ZFYVE9: variants seen among roughly 807,000 people sequenced by gnomAD.
The protein encoded by ZFYVE9 is zinc finger FYVE domain-containing protein 9.
Under a neutral mutation model 126.7 loss-of-function variants are expected in ZFYVE9, and 43 were observed. The observed-to-expected ratio is 0.34, with a 90% CI of 0.27 to 0.44. The LOEUF is 0.44. Among genes scored for constraint, ZFYVE9 ranks in the 20% least tolerant of loss-of-function variants. The pLI is 1.00. For synonymous variants in ZFYVE9, 521 were observed against 597.4 expected, an observed-to-expected ratio of 0.87 and a Z score of 1.87; for missense variants, 1,476 against 1,697.0, an observed-to-expected ratio of 0.87 and a Z score of 2.29.
At chr1:52,340,261 C>G in intron 17 of ZFYVE9, 30 bp downstream of exon 17, 3 of 1,563,056 alleles carry the variant, frequency 1.9e-6, no homozygotes, top group South Asian at 1.1e-5. Context: ...CATACTTGAC[C>G]CACTTTGAGC....
intron 16 of ZFYVE9, among the ~76,000 whole-genome samples, chr1:52,338,977 T>C (rs1460535118): frequency 6.6e-6 from 1 of 152,138 alleles, no homozygotes; most frequent in Non-Finnish European, 1.5e-5. Flanking sequence ...GCCACTGCAT[T>C]CCGGCCTGGA....
chr1:52,260,298 AT>A (rs932782250), intron 4 of ZFYVE9, among the ~76,000 whole-genome samples: 1 of 151,892 alleles, frequency 6.6e-6, no homozygotes, highest in African/African-American at 2.4e-5. Context: ...TCTGTTGGCC[AT>A]TTTATTTATT....
rs554515094 is a variant in ZFYVE9, at chr1:52,327,075, C to T, written c.3439-5693C>T. Among the ~76,000 whole-genome samples, 146 of 151,384 alleles carry T rather than the reference C, an allele frequency of 9.6e-4. 3 individuals carry two copies. The South Asian group carries it at 0.026, about 27-fold the overall frequency. Reference sequence around the variant, plus strand: ...ACTCGGGAGGCTGAGGTAGGAGAATCGCTTGAACCCAGGAGGCGAAGTTTG... The same window carrying T: ...ACTCGGGAGGCTGAGGTAGGAGAATTGCTTGAACCCAGGAGGCGAAGTTTG... On this transcript the variant is annotated intron_variant, in intron 13 of 18. Transcript: ENST00000287727.
chr1:52,346,587 C>A lies in ZFYVE9; in HGVS notation c.*366C>A. On this transcript the variant is annotated 3_prime_UTR_variant, in exon 19 of 19. Coordinates refer to ENST00000287727, the MANE Select transcript of ZFYVE9 (RefSeq NM_004799.4). ...AATGCTCAAATGGGTACAACCATCACCAAGGGTGGGATGGGAGGGCAGAGG... is the reference window on the plus strand; with the variant it reads ...AATGCTCAAATGGGTACAACCATCAACAAGGGTGGGATGGGAGGGCAGAGG... 2.5e-6 allele frequency: 1 copy of A among 401,280 alleles called. No individual in the cohort carries two copies. Among genetic ancestry groups the A allele is most frequent in the Non-Finnish European group, 4.4e-6 (1 of 227,436 alleles). 24.9% of individuals were successfully genotyped at this position (401,280 alleles called of 1,614,324 possible).
At chr1:52,217,970 T>C (rs1190600744) in intron 2 of ZFYVE9, among the ~76,000 whole-genome samples, 3 of 152,220 alleles carry the variant, frequency 2.0e-5, no homozygotes, top group African/African-American at 7.2e-5. Context: ...TGCTGCTGAT[T>C]GTAGTATATG....
At chr1:52,322,089 C>G (rs1190415658) in intron 13 of ZFYVE9, among the ~76,000 whole-genome samples, 3 of 152,198 alleles carry the variant, frequency 2.0e-5, no homozygotes, top group Non-Finnish European at 4.4e-5. Flanking sequence ...ACATGGTCAT[C>G]TTACAGGCTT....
intron 7 of ZFYVE9, 34 bp downstream of exon 7, chr1:52,268,666 G>A (rs1645657766): frequency 5.0e-6 from 8 of 1,604,852 alleles, no homozygotes; most frequent in Non-Finnish European, 6.8e-6. Context: ...AAATTGCATA[G>A]CTACTTTACT....
At chr1:52,246,806 C>G (rs1645390179) in intron 4 of ZFYVE9, among the ~76,000 whole-genome samples, 1 of 149,174 alleles carries the variant, frequency 6.7e-6, no homozygotes, top group African/African-American at 2.5e-5. Flanking sequence ...CTCCTGGGTT[C>G]AAGCGATTCT....
intron 13 of ZFYVE9, among the ~76,000 whole-genome samples, chr1:52,316,165 C>CAAAAAAAAAAAAAA (rs367815611): frequency 2.6e-5 from 1 of 39,212 alleles, no homozygotes; most frequent in Non-Finnish European, 4.3e-5. Context: ...AACTCCATCT[C>CAAAAAAAAAAAAAA]AAAAAAAAAA....
chr1:52,232,383 G>A (rs958832464), intron 2 of ZFYVE9, among the ~76,000 whole-genome samples: 10 of 152,092 alleles, frequency 6.6e-5, no homozygotes, highest in African/African-American at 2.2e-4. Context: ...CTTTTGGATC[G>A]ATTAACATTA....
At position 52,225,135 on chromosome 1, in the gene ZFYVE9, A is replaced by G. The variant is rs76833252; in HGVS notation, c.-36-8036A>G. Among the ~76,000 whole-genome samples, 617 of 152,310 alleles carry G rather than the reference A, an allele frequency of 4.1e-3. 12 individuals are homozygous for G. The South Asian group carries it at 0.045, about 11-fold the overall frequency. On this transcript the variant is annotated intron_variant, in intron 2 of 18. Coordinates refer to ENST00000287727, the MANE Select transcript of ZFYVE9 (RefSeq NM_004799.4). ...CACCAAGGAATACTTTGTTGCCCCA[A>G]TAGTGACGTTTCTTACCTTGGTCTA...
intron 1 of ZFYVE9, among the ~76,000 whole-genome samples, chr1:52,164,957 ATAGG>A (rs1644499391): frequency 6.6e-6 from 1 of 152,184 alleles, no homozygotes; most frequent in Non-Finnish European, 1.5e-5. Context: ...TCAGTGTTTA[ATAGG>A]TAGAGAGTTT....
chr1:52,183,274 CGT>C (rs148883533), intron 1 of ZFYVE9, among the ~76,000 whole-genome samples: 4,365 of 152,108 alleles, frequency 0.029, 203 homozygotes, highest in African/African-American at 0.097. Context: ...AATTAATTAA[CGT>C]ATATATTGGG....
intron 1 of ZFYVE9, chr1:52,160,564 G>A (rs967095381): frequency 1.2e-5 from 9 of 752,664 alleles, no homozygotes; most frequent in Admixed American, 1.8e-5. Flanking sequence ...CTGCTCTCAT[G>A]ACCTTCACAT....
At chr1:52,343,317 G>T (rs764898938) in intron 17 of ZFYVE9, among the ~76,000 whole-genome samples, 3 of 151,728 alleles carry the variant, frequency 2.0e-5, no homozygotes, top group Non-Finnish European at 2.9e-5. Context: ...TTGGTGGCAG[G>T]CTCCTGTAAT....
intron 1 of ZFYVE9, among the ~76,000 whole-genome samples, chr1:52,174,508 T>TA (rs1644605703): frequency 6.6e-6 from 1 of 152,168 alleles, no homozygotes; most frequent in Admixed American, 6.5e-5. Flanking sequence ...GTTCTGTAGA[T>TA]ATCTATTAGG....
intron 4 of ZFYVE9, among the ~76,000 whole-genome samples, chr1:52,247,977 CAGA>C (rs1255601020): frequency 1.3e-5 from 2 of 151,938 alleles, no homozygotes; most frequent in Non-Finnish European, 2.9e-5. Context: ...ATGTATTAGT[CAGA>C]AGGACAGAAC....
intron 1 of ZFYVE9, among the ~76,000 whole-genome samples, chr1:52,158,464 C>T (rs1644423226): frequency 6.6e-6 from 1 of 152,164 alleles, no homozygotes; most frequent in Admixed American, 6.5e-5. Flanking sequence ...CTAACTCATC[C>T]CTGAAGACTC....
intron 16 of ZFYVE9, among the ~76,000 whole-genome samples, chr1:52,339,606 A>G (rs1186351155): frequency 6.6e-6 from 1 of 152,262 alleles, no homozygotes; most frequent in East Asian, 1.9e-4. Context: ...TTCTTAATAA[A>G]TATTTATTAG....
Sources: gnomAD v4.1 joint callset for allele counts (sites outside exome capture counted in the v4.1 genomes callset) on GRCh38, gnomAD v4.1.1 for gene constraint, MANE v1.5 for transcripts, NCBI Gene and HGNC (gene_info 2026-07-23, HGNC 2026-07-21) for gene names.